HS3ST4: variants seen among roughly 807,000 people sequenced by gnomAD.
The protein encoded by HS3ST4 is heparan sulfate glucosamine 3-O-sulfotransferase 4.
Under a neutral mutation model 29.2 loss-of-function variants are expected in HS3ST4, and 17 were observed. The observed-to-expected ratio is 0.58, with a 90% CI of 0.40 to 0.87. The LOEUF (loss-of-function observed/expected upper bound fraction) is 0.87. Ranked by LOEUF, HS3ST4 falls within the 40% of genes least tolerant of loss-of-function variation. The pLI, the probability that HS3ST4 is intolerant of heterozygous loss-of-function variation, is 0.00. For synonymous variants in HS3ST4, 314 were observed against 285.7 expected, an observed-to-expected ratio of 1.10 and a Z score of -1.00; for missense variants, 627 against 634.5, an observed-to-expected ratio of 0.99 and a Z score of 0.13.
At chr16:26,045,960 A>G (rs1004123696) in intron 1 of HS3ST4, among the ~76,000 whole-genome samples, 8 of 152,194 alleles carry the variant, frequency 5.3e-5, no homozygotes, top group African/African-American at 9.7e-5. Flanking sequence ...ATTTTACATT[A>G]CATCGAAATT....
intron 1 of HS3ST4, among the ~76,000 whole-genome samples, chr16:26,096,363 G>A (rs1469630850): frequency 6.6e-6 from 1 of 152,240 alleles, no homozygotes; most frequent in African/African-American, 2.4e-5. Flanking sequence ...CTGGCAAACC[G>A]AATCCAGCAG....
At chr16:25,748,628 A>G (rs771048816) in intron 1 of HS3ST4, among the ~76,000 whole-genome samples, 19 of 152,160 alleles carry the variant, frequency 1.2e-4, no homozygotes, top group South Asian at 6.2e-4. Flanking sequence ...TGATAATGCA[A>G]TTTTCTATGC....
At chr16:25,851,187 C>T (rs10163260) in intron 1 of HS3ST4, among the ~76,000 whole-genome samples, 2 of 151,952 alleles carry the variant, frequency 1.3e-5, no homozygotes, top group Non-Finnish European at 2.9e-5. Flanking sequence ...ATTGACTGGA[C>T]GTTTAGATTA....
chr16:25,936,925 G>C (rs913668011), intron 1 of HS3ST4, among the ~76,000 whole-genome samples: 1 of 152,234 alleles, frequency 6.6e-6, no homozygotes, highest in Non-Finnish European at 1.5e-5. Flanking sequence ...TGCAGGTGTA[G>C]TGGTAGTAGA....
chr16:25,873,470 C>CTAT (rs1491491065), intron 1 of HS3ST4, among the ~76,000 whole-genome samples: 4 of 82,238 alleles, frequency 4.9e-5, no homozygotes, highest in African/African-American at 2.0e-4. Flanking sequence ...ACCCACCCAT[C>CTAT]CATCTATCTC....
At chr16:26,029,056 A>G (rs553062862) in intron 1 of HS3ST4, 1 of 152,398 alleles carries the variant, frequency 6.6e-6, no homozygotes, top group Middle Eastern at 3.4e-3. Flanking sequence ...CTCCACACAC[A>G]TCAACTATTA....
At chr16:25,949,981 C>T (rs765402535) in intron 1 of HS3ST4, among the ~76,000 whole-genome samples, 2 of 151,724 alleles carry the variant, frequency 1.3e-5, no homozygotes, top group Non-Finnish European at 2.9e-5. Flanking sequence ...CTTGAGCAGC[C>T]GCAGTGCGCC....
chr16:25,851,216 CA>C (rs1205283863), intron 1 of HS3ST4, among the ~76,000 whole-genome samples: 5 of 152,158 alleles, frequency 3.3e-5, no homozygotes, highest in African/African-American at 1.2e-4. Context: ...TTTTTCCATG[CA>C]GATGGATGCC....
In HS3ST4 at chr16:25,802,617, GAATGA is replaced by G. The variant is rs1966949975; in HGVS notation, c.734+109470_734+109474del. ...TTTTGGAATCATGTTGTCAAGTTCTGAATGAAATCACTGTAGAATTTTATTTAATA... is the reference window on the plus strand; with the variant it reads ...TTTTGGAATCATGTTGTCAAGTTCTGAATCACTGTAGAATTTTATTTAATA... On this transcript the variant is annotated intron_variant, in intron 1 of 1. Coordinates refer to ENST00000331351, the MANE Select transcript of HS3ST4 (RefSeq NM_006040.3). Among the ~76,000 whole-genome samples the G allele has an allele frequency of 2.0e-5, 3 of 152,102 alleles. No individual in the cohort carries two copies. In the South Asian group the frequency reaches 6.2e-4, roughly 32 times the overall value.
Position 26,040,595 on chromosome 16 carries a change from G to A in HS3ST4, c.735-95017G>A, listed in dbSNP as rs111717405. Among the ~76,000 whole-genome samples, 617 of 151,906 alleles carry A rather than the reference G, an allele frequency of 4.1e-3. 2 individuals carry two copies. Among genetic ancestry groups the A allele is most frequent in the East Asian group, 0.013 (69 of 5,134 alleles). On this transcript the variant is annotated intron_variant, in intron 1 of 1. Transcript: ENST00000331351. Reference sequence around the variant, plus strand: ...GCAGGGATTACAGGGGTGAGCCACCGCATTCGGCCTGCTGTCAGTATGTTT... The same window carrying A: ...GCAGGGATTACAGGGGTGAGCCACCACATTCGGCCTGCTGTCAGTATGTTT...
chr16:26,122,890 C>CA lies in HS3ST4; in HGVS notation c.735-12716dup, dbSNP rs1240711748. 2.6e-5 allele frequency among the ~76,000 whole-genome samples: 4 copies of CA among 152,020 alleles called. No individual in the cohort carries two copies. In the East Asian group the frequency reaches 7.8e-4, roughly 29 times the overall value. Reference sequence around the variant, plus strand: ...ACCAACACGTGAAACCTCATCTCTACAAAAAATACAAAAATCAGCTGGGCG... The same window carrying CA: ...ACCAACACGTGAAACCTCATCTCTACAAAAAAATACAAAAATCAGCTGGGCG... On this transcript the variant is annotated intron_variant, in intron 1 of 1. Transcript: ENST00000331351.
intron 1 of HS3ST4, among the ~76,000 whole-genome samples, chr16:25,794,661 T>C (rs940539313): frequency 6.6e-6 from 1 of 151,328 alleles, no homozygotes; most frequent in Non-Finnish European, 1.5e-5. Flanking sequence ...TTTTTCTCTG[T>C]TTTTTGTTTT....
intron 1 of HS3ST4, among the ~76,000 whole-genome samples, chr16:26,079,122 A>C (rs976303899): frequency 1.3e-5 from 2 of 152,284 alleles, no homozygotes; most frequent in African/African-American, 4.8e-5. Context: ...CACTGTCAAC[A>C]TTTCACTCGG....
chr16:25,887,352 G>T (rs1047539655), intron 1 of HS3ST4, among the ~76,000 whole-genome samples: 2 of 152,112 alleles, frequency 1.3e-5, no homozygotes, highest in African/African-American at 2.4e-5. Flanking sequence ...AGCTATCCTG[G>T]TGGGTGTCTA....
At chr16:25,795,747 C>T (rs1966882864) in intron 1 of HS3ST4, among the ~76,000 whole-genome samples, 1 of 152,146 alleles carries the variant, frequency 6.6e-6, no homozygotes, top group Non-Finnish European at 1.5e-5. Context: ...GCATCTCAGA[C>T]CATCATAGAT....
At chr16:26,062,757 C>T (rs773132328) in intron 1 of HS3ST4, 9 of 218,324 alleles carry the variant, frequency 4.1e-5, no homozygotes, top group African/African-American at 9.2e-5. Flanking sequence ...TTTTAGTCTA[C>T]GTACTTCCCA....
intron 1 of HS3ST4, among the ~76,000 whole-genome samples, chr16:26,012,303 T>C (rs4238934): frequency 0.022 from 3,378 of 152,174 alleles, 130 homozygotes; most frequent in African/African-American, 0.074. Context: ...TTATATGCAA[T>C]AATATCAAAA....
Position 25,848,710 on chromosome 16 carries a change from TA to T in HS3ST4, c.734+155560del, listed in dbSNP as rs1239279075. 3.9e-5 allele frequency among the ~76,000 whole-genome samples: 6 copies of T among 152,138 alleles called. No homozygotes were observed. In the East Asian group the frequency reaches 1.2e-3, roughly 29 times the overall value. On this transcript the variant is annotated intron_variant, in intron 1 of 1. Transcript: ENST00000331351. ...TTGCTCTTTTTACAGAGCTAGCTTTTAGTTTCATTGCTGCAAATTCCTATTT... is the reference window on the plus strand; with the variant it reads ...TTGCTCTTTTTACAGAGCTAGCTTTTGTTTCATTGCTGCAAATTCCTATTT...
intron 1 of HS3ST4, among the ~76,000 whole-genome samples, chr16:25,721,113 A>T: frequency 6.6e-6 from 1 of 152,230 alleles, no homozygotes; most frequent in East Asian, 1.9e-4. Context: ...GTTTTGTAGG[A>T]ATGAGTCACA....
Sources: gnomAD v4.1 joint callset for allele counts (sites outside exome capture counted in the v4.1 genomes callset) on GRCh38, gnomAD v4.1.1 for gene constraint, MANE v1.5 for transcripts, NCBI Gene and HGNC (gene_info 2026-07-23, HGNC 2026-07-21) for gene names.